Variants in TSPAN7 observed in about 807,000 individuals in gnomAD.
TSPAN7 encodes the protein tetraspanin-7.
In TSPAN7, 1 loss-of-function variant was observed where a neutral mutation model predicts 17.6. That is an observed-to-expected ratio of 0.06 (90% confidence interval 0.02 to 0.27). The LOEUF (loss-of-function observed/expected upper bound fraction) is 0.27. Among genes scored for constraint, TSPAN7 ranks in the 10% least tolerant of loss-of-function variants. TSPAN7 has a pLI of 1.00. For synonymous variants in TSPAN7, 78 were observed against 79.0 expected, an observed-to-expected ratio of 0.99 and a Z score of 0.07; for missense variants, 112 against 201.7, an observed-to-expected ratio of 0.56 and a Z score of 2.69.
rs1185935101 is a variant in TSPAN7 at position 38,673,534 on chromosome X, AT to A, written c.346-677del. Among the ~76,000 whole-genome samples, 12 of 104,218 alleles carry A rather than the reference AT, an allele frequency of 1.2e-4. No individual in the cohort carries two copies. The East Asian group carries it at 2.1e-3, about 18-fold the overall frequency. The allele number at this position is 104,218 out of a possible 115,157, so 90.5% of individuals were successfully genotyped here. ...TGGCGCCTGCCACCATGCCTGACTA[AT>A]TTTTTTTTTGTATTTTTAGTAGAGA... On this transcript the variant is annotated intron_variant, in intron 3 of 7. Transcript: ENST00000378482.
Position 38,657,695 on chromosome X carries a change from T to G in TSPAN7, c.82-8426T>G, listed in dbSNP as rs756138877. Among the ~76,000 whole-genome samples the G allele has an allele frequency of 5.3e-5, 6 of 112,539 alleles. No homozygotes were observed. The South Asian group carries it at 1.8e-3, about 35-fold the overall frequency. On this transcript the variant is annotated intron_variant, in intron 1 of 7. Transcript: ENST00000378482. Reference sequence around the variant, plus strand: ...TGTAGATGATGAACTAAGACACAGATATGCAACATGACTGGTGTAAGCTAG... The same window carrying G: ...TGTAGATGATGAACTAAGACACAGAGATGCAACATGACTGGTGTAAGCTAG...
rs140256005 is a variant in TSPAN7 at position 38,611,685 on chromosome X, G to A, written c.81+50058G>A. ...GTTATGGGGAACAACAGAGACAAAT[G>A]GTATAGATTCTTGTACTCTTTGTAA... is the stretch of plus-strand genomic sequence containing the variant. On this transcript the variant is annotated intron_variant, in intron 1 of 7. Transcript: ENST00000378482. Among the ~76,000 whole-genome samples the A allele has an allele frequency of 8.5e-4, 95 of 111,740 alleles. 1 individual carries two copies. Among genetic ancestry groups the A allele is most frequent in the African/African-American group, 3.0e-3 (91 of 30,783 alleles).
intron 1 of TSPAN7, among the ~76,000 whole-genome samples, chrX:38,618,226 A>G (rs1164474108): frequency 8.9e-6 from 1 of 112,232 alleles, no homozygotes; most frequent in Non-Finnish European, 1.9e-5. Context: ...AATCCATTGT[A>G]CATTTACTTT....
intron 1 of TSPAN7, among the ~76,000 whole-genome samples, chrX:38,634,962 C>T (rs2069571662): frequency 9.0e-6 from 1 of 110,616 alleles, no homozygotes; most frequent in Admixed American, 9.6e-5. Context: ...AGCATGAAGA[C>T]ATTTATCTAG....
intron 1 of TSPAN7, among the ~76,000 whole-genome samples, chrX:38,625,683 G>A (rs766393976): frequency 1.8e-5 from 2 of 112,006 alleles, no homozygotes; most frequent in African/African-American, 6.5e-5. Context: ...ATAGAGTAGA[G>A]ATCCCAGGAG....
intron 1 of TSPAN7, among the ~76,000 whole-genome samples, chrX:38,650,661 G>C (rs1394687780): frequency 8.9e-6 from 1 of 112,524 alleles, no homozygotes; most frequent in Admixed American, 9.3e-5. Flanking sequence ...TCTGCTTCTT[G>C]CTGAGAAGCC....
chrX:38,614,079 T>C (rs1159970206), intron 1 of TSPAN7, among the ~76,000 whole-genome samples: 1 of 109,723 alleles, frequency 9.1e-6, no homozygotes, highest in African/African-American at 3.3e-5. Flanking sequence ...TATTGTCCCA[T>C]CTCCTGTTCT....
chrX:38,643,188 A>C (rs932206108), intron 1 of TSPAN7, among the ~76,000 whole-genome samples: 5 of 110,993 alleles, frequency 4.5e-5, no homozygotes, highest in African/African-American at 1.6e-4. Flanking sequence ...GAGAAGATAT[A>C]ACCCACATTG....
intron 1 of TSPAN7, among the ~76,000 whole-genome samples, chrX:38,615,172 A>C (rs2069447941): frequency 9.0e-6 from 1 of 111,251 alleles, no homozygotes; most frequent in South Asian, 3.8e-4. Flanking sequence ...TCGAGTGTTG[A>C]GGGGTGTTAT....
At position 38,678,981 on chromosome X, in the gene TSPAN7, G is replaced by C. The variant is rs985315308; in HGVS notation, c.598-2223G>C. Among the ~76,000 whole-genome samples the C allele has an allele frequency of 3.6e-5, 4 of 111,766 alleles. No individual in the cohort carries two copies. The Admixed American group carries it at 3.8e-4, about 11-fold the overall frequency. ...CTGCATTTCTAACAAGCTCCTAGGT[G>C]AAGAAATACTGCTCATTCAAGATCC... On this transcript the variant is annotated intron_variant, in intron 5 of 7. Coordinates refer to ENST00000378482, the MANE Select transcript of TSPAN7 (RefSeq NM_004615.4).
chrX:38,639,027 G>T (rs1443353731), intron 1 of TSPAN7, among the ~76,000 whole-genome samples: 1 of 111,214 alleles, frequency 9.0e-6, no homozygotes, highest in Non-Finnish European at 1.9e-5. Context: ...GACACCCTTT[G>T]CCTCTGACTG....
chrX:38,563,081 C>T, intron 1 of TSPAN7: 1 of 971,118 alleles, frequency 1.0e-6, no homozygotes, highest in Non-Finnish European at 1.3e-6. Flanking sequence ...CAAAAATATT[C>T]CTAATGCACC....
rs187373889 is a variant in TSPAN7 at position 38,654,257 on chromosome X, G to C, written c.82-11864G>C. On this transcript the variant is annotated intron_variant, in intron 1 of 7. Coordinates refer to ENST00000378482, the MANE Select transcript of TSPAN7 (RefSeq NM_004615.4). ...CACTTAGCATAGTACAGGGCACACA[G>C]ATAGTAAGCACCTCAGTTGTACATT... 4.2e-3 allele frequency among the ~76,000 whole-genome samples: 472 copies of C among 112,042 alleles called. 6 individuals are homozygous for C. The highest frequency in any genetic ancestry group is 0.015 in the African/African-American group (461 of 30,843).
intron 1 of TSPAN7, among the ~76,000 whole-genome samples, chrX:38,587,125 G>A (rs1318672122): frequency 6.2e-5 from 7 of 112,551 alleles, no homozygotes; most frequent in Non-Finnish European, 1.1e-4. Context: ...AAAAGCCAGG[G>A]ATGTTGGTTA....
At chrX:38,597,469 A>T (rs948150031) in intron 1 of TSPAN7, among the ~76,000 whole-genome samples, 1 of 111,283 alleles carries the variant, frequency 9.0e-6, no homozygotes, top group African/African-American at 3.3e-5. Context: ...TTACAGAGAA[A>T]ATTTGTGTAT....
chrX:38,669,637 G>A (rs113921550), intron 2 of TSPAN7, among the ~76,000 whole-genome samples: 3,772 of 112,084 alleles, frequency 0.034, 141 homozygotes, highest in African/African-American at 0.11. Flanking sequence ...CTGCTGATTC[G>A]GCTGATGAGA....
chrX:38,579,392 C>CA (rs2069214878), intron 1 of TSPAN7, among the ~76,000 whole-genome samples: 1 of 107,879 alleles, frequency 9.3e-6, no homozygotes, highest in Admixed American at 1.0e-4. Context: ...CCAGCCTGGC[C>CA]AACATGGTAA....
At chrX:38,677,582 C>T (rs1262079763) in intron 5 of TSPAN7, among the ~76,000 whole-genome samples, 1 of 111,902 alleles carries the variant, frequency 8.9e-6, no homozygotes, top group East Asian at 2.8e-4. Context: ...ACCTCACTTT[C>T]CACCTTCCCA....
chrX:38,652,357 CAT>C (rs1406979803), intron 1 of TSPAN7, among the ~76,000 whole-genome samples: 3 of 111,980 alleles, frequency 2.7e-5, no homozygotes, highest in African/African-American at 9.7e-5. Context: ...GGTTCCCAGT[CAT>C]AGGACTTCTG....
Sources: gnomAD v4.1 joint callset for allele counts (sites outside exome capture counted in the v4.1 genomes callset) on GRCh38, gnomAD v4.1.1 for gene constraint, MANE v1.5 for transcripts, NCBI Gene and HGNC (gene_info 2026-07-23, HGNC 2026-07-21) for gene names.